The following SGF29 variants were observed in gnomAD, a reference collection of about 807,000 sequenced individuals.
SGF29 encodes SAGA complex associated factor 29.
Under a neutral mutation model 38.1 loss-of-function variants are expected in SGF29, and 15 were observed. The ratio of observed to expected loss-of-function variants is 0.39; its 90% CI spans 0.26 to 0.61. The LOEUF (loss-of-function observed/expected upper bound fraction) is 0.61. SGF29 is among the 20% of genes least tolerant of loss of function. SGF29 has a pLI of 0.49. For synonymous variants in SGF29, 151 were observed against 160.8 expected, an observed-to-expected ratio of 0.94 and a Z score of 0.46; for missense variants, 184 against 394.6, an observed-to-expected ratio of 0.47 and a Z score of 4.52.
At chr16:28,575,333 G>T (rs1218597886) in intron 1 of SGF29, among the ~76,000 whole-genome samples, 1 of 152,184 alleles carries the variant, frequency 6.6e-6, no homozygotes, top group Non-Finnish European at 1.5e-5. Flanking sequence ...GCAGCTAAAA[G>T]AAAAAGAAAT....
chr16:28,575,468 G>T (rs1030444638), intron 1 of SGF29, among the ~76,000 whole-genome samples: 6 of 151,746 alleles, frequency 4.0e-5, no homozygotes, highest in Non-Finnish European at 7.4e-5. Context: ...ATCACTTGAG[G>T]TTGAGAGTTT....
intron 3 of SGF29, 168 bp from the exon 4 acceptor site, chr16:28,585,480 A>T: frequency 1.5e-6 from 1 of 649,136 alleles, no homozygotes. Flanking sequence ...ATGCGGACTC[A>T]TGGAGCCTGG....
At chr16:28,584,605 C>T (rs2046944434) in intron 2 of SGF29, among the ~76,000 whole-genome samples, 1 of 151,984 alleles carries the variant, frequency 6.6e-6, no homozygotes, top group African/African-American at 2.4e-5. Context: ...CTGGCTAAGA[C>T]GGTGAAACTC....
chr16:28,554,585 T>C (rs1381368151), intron 1 of SGF29, among the ~76,000 whole-genome samples: 1 of 151,780 alleles, frequency 6.6e-6, no homozygotes, highest in Non-Finnish European at 1.5e-5. Context: ...GTGGGGAGTA[T>C]AGGCGTGAGC....
intron 1 of SGF29, among the ~76,000 whole-genome samples, chr16:28,571,494 GAGGC>G (rs2036186051): frequency 6.6e-6 from 1 of 151,744 alleles, no homozygotes. Context: ...TTGGGAGGTT[GAGGC>G]AGGAGAATCG....
chr16:28,582,440 A>G (rs1218482750), intron 2 of SGF29, among the ~76,000 whole-genome samples: 1 of 152,092 alleles, frequency 6.6e-6, no homozygotes, highest in African/African-American at 2.4e-5. Context: ...CACAGAGTAA[A>G]CCATCATGGG....
intron 1 of SGF29, among the ~76,000 whole-genome samples, chr16:28,579,970 T>G (rs1049678170): frequency 3.3e-5 from 5 of 152,014 alleles, no homozygotes; most frequent in African/African-American, 1.2e-4. Context: ...AGTAAGAAAG[T>G]AACAGCGTTT....
chr16:28,564,548 T>C (rs1412411150), intron 1 of SGF29, among the ~76,000 whole-genome samples: 2 of 92,172 alleles, frequency 2.2e-5, no homozygotes, highest in Non-Finnish European at 4.7e-5. Context: ...TGTATATATA[T>C]ACGTATATAT....
chr16:28,584,707 T>C (rs1299659071), intron 2 of SGF29, among the ~76,000 whole-genome samples: 1 of 146,654 alleles, frequency 6.8e-6, no homozygotes, highest in African/African-American at 2.5e-5. Context: ...GAGAAAGGCG[T>C]GAACCCGGGA....
At chr16:28,560,581 T>C (rs961426536) in intron 1 of SGF29, among the ~76,000 whole-genome samples, 34 of 140,100 alleles carry the variant, frequency 2.4e-4, no homozygotes, top group African/African-American at 9.0e-4. Context: ...AGAGCGAGAC[T>C]CTGTCTCAAG....
At chr16:28,562,371 T>C (rs145429427) in intron 1 of SGF29, among the ~76,000 whole-genome samples, 3 of 152,270 alleles carry the variant, frequency 2.0e-5, no homozygotes, top group Non-Finnish European at 4.4e-5. Context: ...TTACAGTTGT[T>C]CTCTCCCTTC....
In SGF29 at chr16:28,589,128, G is replaced by T; in HGVS notation, c.253G>T (p.Ala85Ser). Residue 85 changes from alanine to serine, a missense_variant, in exon 5 of 10, where the codon GCG (alanine) becomes TCG (serine). Coordinates refer to ENST00000317058, the MANE Select transcript of SGF29 (RefSeq NM_138414.3). The stretch of plus-strand genomic sequence containing the variant: ...CCTTCGGAAAGCTCTGGACAAGATC[G>T]CGGAAATCAAGTCTCTGTTGGAAGA... Reference protein sequence around the residue: ...NILRKALDKIAEIKSLLEERR... With the variant: ...NILRKALDKISEIKSLLEERR... 6.2e-7 allele frequency: 1 copy of T among 1,614,154 alleles called. No individual in the cohort carries two copies. Among genetic ancestry groups the T allele is most frequent in the Non-Finnish European group, 8.5e-7 (1 of 1,179,980 alleles).
chr16:28,563,659 G>A (rs1004997532), intron 1 of SGF29, among the ~76,000 whole-genome samples: 2 of 150,838 alleles, frequency 1.3e-5, no homozygotes, highest in African/African-American at 2.4e-5. Context: ...TTTTTACTAC[G>A]TGCATATATT....
At chr16:28,589,205 C>T (rs2046972565) in intron 5 of SGF29, 41 bp downstream of exon 5, 1 of 1,608,366 alleles carries the variant, frequency 6.2e-7, no homozygotes, top group Non-Finnish European at 8.5e-7. Flanking sequence ...TTTGCTAGGA[C>T]AAGAGGAGAG....
intron 1 of SGF29, among the ~76,000 whole-genome samples, chr16:28,563,431 T>C (rs941827415): frequency 6.6e-6 from 1 of 152,170 alleles, no homozygotes; most frequent in Non-Finnish European, 1.5e-5. Context: ...GTAGGCACAG[T>C]GATCTTCCAG....
intron 1 of SGF29, among the ~76,000 whole-genome samples, chr16:28,564,526 T>TGTATATATATATGTATATATATAC (rs1190774696): frequency 7.6e-5 from 9 of 118,074 alleles, no homozygotes; most frequent in East Asian, 6.7e-4. Context: ...TATATGTGTG[T>TGTATATATATATGTATATATATAC]GTATATATAT....
At chr16:28,589,985 A>T in intron 5 of SGF29, 111 bp from the exon 6 acceptor site, 3 of 1,436,570 alleles carry the variant, frequency 2.1e-6, no homozygotes, top group Non-Finnish European at 2.8e-6. Context: ...CCTCGGGCTC[A>T]CTCGGGAACT....
chr16:28,574,249 A>G (rs966807477), intron 1 of SGF29, among the ~76,000 whole-genome samples: 42 of 152,258 alleles, frequency 2.8e-4, no homozygotes, highest in Admixed American at 2.2e-3. Flanking sequence ...TTTAACCTTG[A>G]TCCTAGGACA....
At chr16:28,561,704 C>T (rs1010700349) in intron 1 of SGF29, among the ~76,000 whole-genome samples, 22 of 152,128 alleles carry the variant, frequency 1.4e-4, no homozygotes, top group African/African-American at 5.3e-4. Flanking sequence ...ATTGCTGAGC[C>T]TCTCAGGGTT....
Sources: gnomAD v4.1 joint callset for allele counts (sites outside exome capture counted in the v4.1 genomes callset) on GRCh38, gnomAD v4.1.1 for gene constraint, MANE v1.5 for transcripts, NCBI Gene and HGNC (gene_info 2026-07-23, HGNC 2026-07-21) for gene names.